PPP6R2: variants seen among roughly 807,000 people sequenced by gnomAD.
The protein encoded by PPP6R2 is protein phosphatase 6 regulatory subunit 2.
A neutral mutation model predicts 100.2 loss-of-function variants in PPP6R2; 62 were observed. The ratio of observed to expected loss-of-function variants is 0.62; its 90% CI spans 0.50 to 0.76. The LOEUF (loss-of-function observed/expected upper bound fraction) is 0.76. Ranked by LOEUF, PPP6R2 falls within the 30% of genes least tolerant of loss-of-function variation. PPP6R2 has a pLI of 0.00. For missense variants in PPP6R2, 1,142 were observed against 1,276.3 expected, an observed-to-expected ratio of 0.89 and a Z score of 1.60; for synonymous variants, 525 against 514.7, an observed-to-expected ratio of 1.02 and a Z score of -0.27.
chr22:50,430,632 G>GGGAGGC (rs1217039337), intron 10 of PPP6R2, among the ~76,000 whole-genome samples: 3 of 152,216 alleles, frequency 2.0e-5, no homozygotes, highest in Admixed American at 1.3e-4. Flanking sequence ...CCAGCACTTT[G>GGGAGGC]GGAGGCGGAG....
intron 2 of PPP6R2, among the ~76,000 whole-genome samples, chr22:50,392,417 G>A (rs2055811784): frequency 1.3e-5 from 2 of 151,884 alleles, no homozygotes; most frequent in African/African-American, 4.8e-5. Flanking sequence ...CCCTTGTGCT[G>A]AAAGTCAAAG....
Position 50,370,694 on chromosome 22 carries a change from C to T in PPP6R2, c.-147-1326C>T, listed in dbSNP as rs975290870. ...TGTTGCCCAGGCTGGAGTGCAGTGG[C>T]GTGATCTCGGCTCACTGCAACCTCT... On this transcript the variant is annotated intron_variant, in intron 1 of 23. Coordinates refer to ENST00000612753, the MANE Select transcript of PPP6R2 (RefSeq NM_001242898.2). Among the ~76,000 whole-genome samples, 89 of 151,574 alleles carry T rather than the reference C, an allele frequency of 5.9e-4. 1 individual carries two copies. The highest frequency in any genetic ancestry group is 1.0e-3 in the Non-Finnish European group (68 of 67,884).
intron 4 of PPP6R2, among the ~76,000 whole-genome samples, chr22:50,410,912 C>T (rs2059657411): frequency 6.6e-6 from 1 of 152,136 alleles, no homozygotes; most frequent in Non-Finnish European, 1.5e-5. Flanking sequence ...CTGCCTCAGC[C>T]TCCCGCGTAG....
chr22:50,347,137 T>C (rs2043957787), intron 1 of PPP6R2, among the ~76,000 whole-genome samples: 1 of 152,046 alleles, frequency 6.6e-6, no homozygotes. Flanking sequence ...TCTGTGTTAG[T>C]GCCTGTCAGA....
intron 1 of PPP6R2, among the ~76,000 whole-genome samples, chr22:50,364,985 A>G (rs948159685): frequency 6.6e-6 from 1 of 151,952 alleles, no homozygotes; most frequent in Non-Finnish European, 1.5e-5. Context: ...AAGAAAAAAA[A>G]TCTTTTATGA....
chr22:50,376,794 G>A (rs1278903332), intron 2 of PPP6R2, among the ~76,000 whole-genome samples: 1 of 152,062 alleles, frequency 6.6e-6, no homozygotes, highest in Non-Finnish European at 1.5e-5. Context: ...AATCCCAGCA[G>A]TTTGGGAGGC....
intron 4 of PPP6R2, among the ~76,000 whole-genome samples, chr22:50,413,649 A>G (rs999350143): frequency 1.3e-4 from 19 of 150,214 alleles, no homozygotes; most frequent in Admixed American, 4.7e-4. Flanking sequence ...TCAAAGAGCC[A>G]TCCTCCTCTC....
intron 10 of PPP6R2, among the ~76,000 whole-genome samples, chr22:50,430,423 A>G (rs1381888506): frequency 6.6e-6 from 1 of 152,266 alleles, no homozygotes; most frequent in Non-Finnish European, 1.5e-5. Context: ...ACAGAATCAT[A>G]AAGGAACTTC....
intron 1 of PPP6R2, among the ~76,000 whole-genome samples, chr22:50,354,386 G>A (rs1321203894): frequency 1.3e-5 from 2 of 152,204 alleles, no homozygotes; most frequent in East Asian, 3.8e-4. Flanking sequence ...GTTACCAGTT[G>A]AGCTTCCCCA....
intron 10 of PPP6R2, among the ~76,000 whole-genome samples, chr22:50,424,557 T>A (rs551506277): frequency 2.0e-5 from 3 of 151,918 alleles, no homozygotes; most frequent in Admixed American, 6.6e-5. Flanking sequence ...TTCTGGGCAC[T>A]GCTTTGGCTG....
chr22:50,429,458 A>G (rs1000033269), intron 10 of PPP6R2, among the ~76,000 whole-genome samples: 5 of 152,238 alleles, frequency 3.3e-5, no homozygotes, highest in African/African-American at 9.6e-5. Context: ...TTTGAGGAGC[A>G]AATCCCACTT....
At chr22:50,330,937 A>G in the PPP6R2 span, among the ~76,000 whole-genome samples, 1 of 152,162 alleles carries the variant, frequency 6.6e-6, no homozygotes, top group Admixed American at 6.6e-5. Context: ...GAGGAAGCCA[A>G]CATCTGGATT....
chr22:50,410,469 C>CTTTTTTTTTT (rs200178930), intron 4 of PPP6R2, among the ~76,000 whole-genome samples: 4 of 103,342 alleles, frequency 3.9e-5, no homozygotes, highest in African/African-American at 1.1e-4. Flanking sequence ...TGAGTGGTGT[C>CTTTTTTTTTT]TTTTTTTTTT....
intron 2 of PPP6R2, among the ~76,000 whole-genome samples, chr22:50,392,333 C>A (rs2055769627): frequency 7.7e-6 from 1 of 129,628 alleles, no homozygotes; most frequent in Non-Finnish European, 1.6e-5. Context: ...GAATCCCTGT[C>A]TCTACAGAAA....
chr22:50,373,048 G>A (rs563096658), intron 2 of PPP6R2, among the ~76,000 whole-genome samples: 103 of 152,044 alleles, frequency 6.8e-4, no homozygotes, highest in Non-Finnish European at 8.2e-4. Context: ...TATATGTTCC[G>A]TCTCACTTGC....
chr22:50,424,269 T>A (rs2061707713), intron 10 of PPP6R2, among the ~76,000 whole-genome samples: 1 of 152,106 alleles, frequency 6.6e-6, no homozygotes, highest in East Asian at 1.9e-4. Context: ...TGCTGGAATC[T>A]CCCTGCAATC....
rs779790650 is a variant in PPP6R2, at chr22:50,416,058, C to CAG, written c.553-33_553-32dup. 61 of 1,575,048 alleles carry CAG rather than the reference C, an allele frequency of 3.9e-5. No individual in the cohort carries two copies. In the African/African-American group the frequency reaches 6.9e-4, roughly 18 times the overall value. ...TTCCTGTTGTTTACTTAGACTTGAG[C>CAG]AGCGACACTGAAAGGCCTCTTTTTC... On this transcript the variant is annotated intron_variant, in intron 5 of 23. Coordinates refer to ENST00000612753, the MANE Select transcript of PPP6R2 (RefSeq NM_001242898.2).
Position 50,352,750 on chromosome 22 carries a change from A to C in PPP6R2, c.-148+9200A>C, listed in dbSNP as rs1022290095. On this transcript the variant is annotated intron_variant, in intron 1 of 23. Transcript: ENST00000612753. Reference sequence around the variant, plus strand: ...AAACAAAAACAAAAACAAAAAAAAAAAACACACAAAACAACAACAACGTAA... The same window carrying C: ...AAACAAAAACAAAAACAAAAAAAAACAACACACAAAACAACAACAACGTAA... Among the ~76,000 whole-genome samples, 187 of 150,966 alleles carry C rather than the reference A, an allele frequency of 1.2e-3. 1 individual carries two copies. The highest frequency in any genetic ancestry group is 4.3e-3 in the African/African-American group (178 of 41,316).
At chr22:50,395,898 GA>G (rs201913766) in intron 3 of PPP6R2, among the ~76,000 whole-genome samples, 2 of 147,702 alleles carry the variant, frequency 1.4e-5, no homozygotes, top group African/African-American at 2.5e-5. Flanking sequence ...AATGGTTGGG[GA>G]AAAAAAAATC....
Sources: gnomAD v4.1 joint callset for allele counts (sites outside exome capture counted in the v4.1 genomes callset) on GRCh38, gnomAD v4.1.1 for gene constraint, MANE v1.5 for transcripts, NCBI Gene and HGNC (gene_info 2026-07-23, HGNC 2026-07-21) for gene names.